COL19A1: variants seen among roughly 807,000 people sequenced by gnomAD.
COL19A1 encodes the protein collagen type XIX alpha 1 chain.
A neutral mutation model predicts 190.2 loss-of-function variants in COL19A1; 159 were observed. The ratio of observed to expected loss-of-function variants is 0.84; its 90% CI spans 0.73 to 0.95. The LOEUF (loss-of-function observed/expected upper bound fraction) is 0.95, where lower values mean the gene tolerates loss of function less well. Among genes scored for constraint, COL19A1 ranks in the 40% least tolerant of loss-of-function variants. The pLI, the probability that COL19A1 is intolerant of heterozygous loss-of-function variation, is 0.00. For missense variants in COL19A1, 1,418 were observed against 1,431.9 expected (o/e 0.99, Z 0.16); for synonymous variants, 509 against 458.9 (o/e 1.11, Z -1.39).
At chr6:69,921,898 T>C (rs961756588) in intron 4 of COL19A1, among the ~76,000 whole-genome samples, 2 of 152,040 alleles carry the variant, frequency 1.3e-5, no homozygotes. Context: ...ATATTTTTCT[T>C]ACTGGGAGTA....
chr6:70,001,860 T>C (rs748522208), intron 11 of COL19A1, among the ~76,000 whole-genome samples: 8 of 152,184 alleles, frequency 5.3e-5, no homozygotes, highest in Non-Finnish European at 1.2e-4. Flanking sequence ...CCTTTATTTC[T>C]TTCTGTTGCC....
intron 23 of COL19A1, among the ~76,000 whole-genome samples, chr6:70,143,349 C>T (rs953682915): frequency 2.6e-5 from 4 of 152,236 alleles, no homozygotes; most frequent in African/African-American, 9.6e-5. Flanking sequence ...CTCAATACAC[C>T]TTTCTATTCA....
chr6:70,039,233 C>T (rs1481130365), intron 14 of COL19A1, among the ~76,000 whole-genome samples: 2 of 152,256 alleles, frequency 1.3e-5, no homozygotes, highest in South Asian at 2.1e-4. Flanking sequence ...TGTGCAGGCA[C>T]GCTCGAGAAC....
At chr6:69,960,928 G>T (rs1372817567) in intron 10 of COL19A1, among the ~76,000 whole-genome samples, 1 of 152,108 alleles carries the variant, frequency 6.6e-6, no homozygotes, top group Admixed American at 6.5e-5. Flanking sequence ...ACCACACCCG[G>T]CCAGGGCTGC....
intron 2 of COL19A1, among the ~76,000 whole-genome samples, chr6:69,889,553 A>G (rs1769186046): frequency 6.6e-6 from 1 of 151,148 alleles, no homozygotes; most frequent in African/African-American, 2.4e-5. Flanking sequence ...TCTGCGCTCT[A>G]TGTCTAGCTA....
chr6:69,920,791 A>C (rs1456216716), intron 4 of COL19A1, among the ~76,000 whole-genome samples: 1 of 151,154 alleles, frequency 6.6e-6, no homozygotes. Flanking sequence ...AATGTAGGTT[A>C]GTATTAATTT....
chr6:69,880,319 A>G (rs894420185), intron 2 of COL19A1, among the ~76,000 whole-genome samples: 1 of 152,064 alleles, frequency 6.6e-6, no homozygotes, highest in African/African-American at 2.4e-5. Context: ...TTGAGTGTGT[A>G]TAAGTTACTT....
chr6:69,967,794 T>G (rs1037215292), intron 11 of COL19A1, among the ~76,000 whole-genome samples: 1 of 152,180 alleles, frequency 6.6e-6, no homozygotes, highest in South Asian at 2.1e-4. Context: ...CCAGACAGAA[T>G]CCACTGGAAA....
intron 15 of COL19A1, among the ~76,000 whole-genome samples, chr6:70,073,279 C>A (rs930969827): frequency 6.6e-6 from 1 of 152,164 alleles, no homozygotes; most frequent in Non-Finnish European, 1.5e-5. Flanking sequence ...TGAGCCACAG[C>A]GCCTGGCCCA....
At chr6:70,118,547 T>G (rs982028226) in intron 16 of COL19A1, among the ~76,000 whole-genome samples, 1 of 152,150 alleles carries the variant, frequency 6.6e-6, no homozygotes, top group African/African-American at 2.4e-5. Flanking sequence ...AACTTGCAAT[T>G]TGTGGTACCC....
intron 48 of COL19A1, among the ~76,000 whole-genome samples, chr6:70,191,725 A>C (rs1334962244): frequency 1.3e-5 from 2 of 152,242 alleles, no homozygotes; most frequent in African/African-American, 4.8e-5. Context: ...TCTGAACTGT[A>C]AGATTTAACA....
At chr6:69,915,749 A>T (rs1771252653) in intron 4 of COL19A1, among the ~76,000 whole-genome samples, 1 of 152,166 alleles carries the variant, frequency 6.6e-6, no homozygotes, top group African/African-American at 2.4e-5. Context: ...TAGTTACGTT[A>T]CCATTCTACT....
At chr6:70,105,769 G>A (rs1485498556) in intron 16 of COL19A1, among the ~76,000 whole-genome samples, 1 of 152,170 alleles carries the variant, frequency 6.6e-6, no homozygotes, top group Non-Finnish European at 1.5e-5. Context: ...CAGTATGTGA[G>A]AATCCTGAAG....
intron 11 of COL19A1, among the ~76,000 whole-genome samples, chr6:69,978,239 A>G (rs1229958803): frequency 6.6e-6 from 1 of 152,206 alleles, no homozygotes; most frequent in Non-Finnish European, 1.5e-5. Context: ...ATATAGATAC[A>G]TATACATACA....
chr6:70,126,064 C>T (rs1785174797), intron 17 of COL19A1, among the ~76,000 whole-genome samples: 1 of 151,872 alleles, frequency 6.6e-6, no homozygotes. Flanking sequence ...TGTTATCTTA[C>T]ATCACCACAC....
intron 2 of COL19A1, among the ~76,000 whole-genome samples, chr6:69,889,103 A>G (rs1769150295): frequency 6.6e-6 from 1 of 152,208 alleles, no homozygotes; most frequent in Non-Finnish European, 1.5e-5. Context: ...TCTATGGTAT[A>G]TTGTTGCTCT....
chr6:70,108,004 G>A (rs1408738853), intron 16 of COL19A1, among the ~76,000 whole-genome samples: 3 of 152,158 alleles, frequency 2.0e-5, no homozygotes, highest in African/African-American at 7.2e-5. Context: ...TTATGATAAT[G>A]AGACTTGGAA....
At chr6:69,973,783 G>C (rs918127503) in intron 11 of COL19A1, 2 of 152,136 alleles carry the variant, frequency 1.3e-5, no homozygotes, top group African/African-American at 4.8e-5. Flanking sequence ...ATGGTAAAAA[G>C]ATAATTAATT....
At chr6:69,965,076 A>G (rs1023597428) in intron 11 of COL19A1, among the ~76,000 whole-genome samples, 6 of 152,216 alleles carry the variant, frequency 3.9e-5, no homozygotes, top group African/African-American at 1.4e-4. Flanking sequence ...AGCATGGATT[A>G]CTCACAACAT....
Sources: gnomAD v4.1 joint callset for allele counts (sites outside exome capture counted in the v4.1 genomes callset) on GRCh38, gnomAD v4.1.1 for gene constraint, MANE v1.5 for transcripts, NCBI Gene and HGNC (gene_info 2026-07-23, HGNC 2026-07-21) for gene names.